PALLD: variants seen among roughly 807,000 people sequenced by gnomAD.
The protein encoded by PALLD is palladin.
A neutral mutation model predicts 123.5 loss-of-function variants in PALLD; 61 were observed. The ratio of observed to expected loss-of-function variants is 0.49; its 90% confidence interval spans 0.40 to 0.61. PALLD has a LOEUF of 0.61. Ranked by LOEUF, PALLD falls within the 20% of genes least tolerant of loss-of-function variation. The pLI is 0.00. For synonymous variants in PALLD, 465 were observed against 496.4 expected (o/e 0.94, Z 0.84); for missense variants, 1,273 against 1,377.0 (o/e 0.92, Z 1.20).
intron 3 of PALLD, among the ~76,000 whole-genome samples, chr4:168,669,850 C>A (rs1328566039): frequency 6.6e-6 from 1 of 151,374 alleles, no homozygotes; most frequent in African/African-American, 2.4e-5. Flanking sequence ...CCGTAGCCTA[C>A]GAGGTATTAT....
At chr4:168,700,800 C>A (rs550164637) in intron 8 of PALLD, 131 of 152,266 alleles carry the variant, frequency 8.6e-4, no homozygotes, top group South Asian at 1.9e-3. Context: ...GAGTTCAAGG[C>A]TGCAGTGAGC....
intron 2 of PALLD, among the ~76,000 whole-genome samples, chr4:168,645,335 T>C (rs1219436516): frequency 6.6e-6 from 1 of 152,226 alleles, no homozygotes; most frequent in Non-Finnish European, 1.5e-5. Context: ...ATGTCACTTC[T>C]GTCCCTCTTC....
chr4:168,769,072 G>A (rs944109904), intron 10 of PALLD, among the ~76,000 whole-genome samples: 6 of 152,104 alleles, frequency 3.9e-5, no homozygotes, highest in Non-Finnish European at 2.9e-5. Flanking sequence ...ATCCGCCCCC[G>A]TCGGCCTCCC....
At chr4:168,569,223 G>A (rs983372687) in intron 2 of PALLD, among the ~76,000 whole-genome samples, 5 of 152,094 alleles carry the variant, frequency 3.3e-5, no homozygotes, top group Non-Finnish European at 7.4e-5. Context: ...AAGTGAACTG[G>A]CAGCCACTCC....
At chr4:168,838,105 A>C (rs1554092668) in intron 10 of PALLD, among the ~76,000 whole-genome samples, 1 of 152,190 alleles carries the variant, frequency 6.6e-6, no homozygotes, top group Non-Finnish European at 1.5e-5. Context: ...TCGTAACACC[A>C]AATGTTGAGT....
intron 10 of PALLD, among the ~76,000 whole-genome samples, chr4:168,807,358 T>C (rs1417134962): frequency 6.6e-6 from 1 of 152,154 alleles, no homozygotes; most frequent in Non-Finnish European, 1.5e-5. Flanking sequence ...CCTGACTGTA[T>C]AGAAAGTACT....
chr4:168,900,092 T>A (rs949364440), intron 14 of PALLD, among the ~76,000 whole-genome samples: 4 of 151,992 alleles, frequency 2.6e-5, no homozygotes, highest in Non-Finnish European at 5.9e-5. Context: ...CAGAGAGAAG[T>A]GGTGGAGGTC....
intron 10 of PALLD, among the ~76,000 whole-genome samples, chr4:168,730,479 C>CT (rs756908348): frequency 1.1e-4 from 17 of 151,538 alleles, no homozygotes; most frequent in Admixed American, 2.0e-4. Context: ...CTTAAAATTC[C>CT]TTTTTTTTGT....
chr4:168,831,999 G>T (rs1158485194), intron 10 of PALLD: 1 of 985,302 alleles, frequency 1.0e-6, no homozygotes, highest in Non-Finnish European at 1.2e-6. Context: ...CCGCGCCGCC[G>T]GACTCTTATT....
At chr4:168,627,727 C>T (rs758031863) in intron 2 of PALLD, among the ~76,000 whole-genome samples, 13 of 152,106 alleles carry the variant, frequency 8.5e-5, no homozygotes, top group East Asian at 1.9e-4. Context: ...AAACTCCTAA[C>T]GCAAAGGGAT....
intron 2 of PALLD, among the ~76,000 whole-genome samples, chr4:168,577,608 G>A (rs1233784514): frequency 6.6e-6 from 1 of 152,062 alleles, no homozygotes; most frequent in Non-Finnish European, 1.5e-5. Flanking sequence ...TGTTTGTTAT[G>A]CTGGGGCAGG....
intron 15 of PALLD, chr4:168,904,388 G>A (rs1757182748): frequency 6.2e-6 from 1 of 160,074 alleles, no homozygotes; most frequent in African/African-American, 2.4e-5. Context: ...AATTTTGATA[G>A]CATTCAGGTT....
intron 8 of PALLD, among the ~76,000 whole-genome samples, chr4:168,695,053 C>T (rs1052966978): frequency 6.6e-6 from 1 of 152,144 alleles, no homozygotes; most frequent in African/African-American, 2.4e-5. Flanking sequence ...TGTCTAATAG[C>T]GTGCAAAATT....
At chr4:168,863,060 G>T (rs950774283) in intron 10 of PALLD, among the ~76,000 whole-genome samples, 1 of 152,114 alleles carries the variant, frequency 6.6e-6, no homozygotes, top group Non-Finnish European at 1.5e-5. Flanking sequence ...AATGACTATC[G>T]CTTTGAAGGT....
At position 168,566,931 on chromosome 4, in the gene PALLD, C is replaced by A. The variant is rs556332014; in HGVS notation, c.908+54519C>A. Among the ~76,000 whole-genome samples, 381 of 152,198 alleles carry A rather than the reference C, an allele frequency of 2.5e-3. 17 individuals are homozygous for A. In the South Asian group the frequency reaches 0.076, roughly 31 times the overall value. ...CAAATGCAGTGAAGCCAGAGATACA[C>A]CAGATTGTTCTTTCAAAACTTCCTC... On this transcript the variant is annotated intron_variant, in intron 2 of 21. Transcript: ENST00000505667.
At chr4:168,884,242 C>T (rs996830079) in intron 10 of PALLD, among the ~76,000 whole-genome samples, 1 of 152,178 alleles carries the variant, frequency 6.6e-6, no homozygotes, top group Admixed American at 6.5e-5. Context: ...CTTTTAATTT[C>T]GTAAAGTGTT....
chr4:168,855,230 A>G (rs956580740), intron 10 of PALLD, among the ~76,000 whole-genome samples: 1 of 151,686 alleles, frequency 6.6e-6, no homozygotes, highest in Non-Finnish European at 1.5e-5. Context: ...AGCTGGGATT[A>G]CAGGCACATG....
chr4:168,921,488 C>T (rs1761506696), intron 17 of PALLD, 46 bp from the exon 18 acceptor site: 1 of 1,314,626 alleles, frequency 7.6e-7, no homozygotes. Flanking sequence ...AGTGATTTCA[C>T]TCTGTTTTAA....
intron 14 of PALLD, among the ~76,000 whole-genome samples, chr4:168,899,955 C>A (rs1469124568): frequency 6.6e-6 from 1 of 151,974 alleles, no homozygotes; most frequent in Non-Finnish European, 1.5e-5. Context: ...GCTTTACTGG[C>A]TCACAGTTCT....
Sources: allele counts gnomAD v4.1 joint callset (sites outside exome capture counted in the v4.1 genomes callset), GRCh38; gene constraint gnomAD v4.1.1; transcripts MANE v1.5; gene names NCBI Gene and HGNC (gene_info 2026-07-23, HGNC 2026-07-21).